The following PPP4R3B variants were observed in gnomAD, a reference collection of about 807,000 sequenced individuals.
PPP4R3B encodes the protein serine/threonine-protein phosphatase 4 regulatory subunit 3B.
Under a neutral mutation model 95.4 loss-of-function variants are expected in PPP4R3B, and 52 were observed. The observed-to-expected ratio is 0.54, with a 90% CI of 0.44 to 0.69. PPP4R3B has a LOEUF of 0.69. PPP4R3B is among the 30% of genes least tolerant of loss of function. The pLI is 0.00. For missense variants in PPP4R3B, 1,003 were observed against 1,005.9 expected, an observed-to-expected ratio of 1.00 and a Z score of 0.04; for synonymous variants, 407 against 343.9, an observed-to-expected ratio of 1.18 and a Z score of -2.03.
At chr2:55,559,653 C>T (rs1038461761) in intron 15 of PPP4R3B, among the ~76,000 whole-genome samples, 2 of 152,168 alleles carry the variant, frequency 1.3e-5, no homozygotes, top group African/African-American at 4.8e-5. Context: ...TAACACATGC[C>T]TTGTTTCCCA....
chr2:55,601,298 G>A (rs925098921), intron 3 of PPP4R3B, among the ~76,000 whole-genome samples: 1 of 152,120 alleles, frequency 6.6e-6, no homozygotes, highest in Non-Finnish European at 1.5e-5. Flanking sequence ...AGGTCAAATG[G>A]GAGCCTGTAA....
intron 3 of PPP4R3B, among the ~76,000 whole-genome samples, chr2:55,602,992 T>C (rs767995057): frequency 5.3e-5 from 8 of 151,850 alleles, no homozygotes; most frequent in Non-Finnish European, 1.2e-4. Flanking sequence ...TCTTACTCTG[T>C]CACCCAGACT....
intron 2 of PPP4R3B, among the ~76,000 whole-genome samples, chr2:55,611,686 T>A (rs1431873171): frequency 6.6e-6 from 1 of 152,178 alleles, no homozygotes; most frequent in Non-Finnish European, 1.5e-5. Context: ...ATTTTAAAAC[T>A]ATAATGTTAA....
chr2:55,560,137 T>C (rs1246403334), intron 15 of PPP4R3B, among the ~76,000 whole-genome samples: 3 of 151,790 alleles, frequency 2.0e-5, no homozygotes, highest in Non-Finnish European at 4.4e-5. Flanking sequence ...AAAAGATACC[T>C]GAAAATGTGG....
rs202165246 is a variant in PPP4R3B at position 55,558,962 on chromosome 2, T to C, written c.2267A>G (p.Glu756Gly). The C allele has an allele frequency of 1.2e-4, 200 of 1,604,730 alleles. 1 individual carries two copies. The Middle Eastern group carries it at 1.5e-3, about 12-fold the overall frequency. ...GGGAAGGTTTTCCTTGTCTTCACTTTCTTTTGCTAAAGCAAAAGTAAAATT... is the reference window on the plus strand; with the variant it reads ...GGGAAGGTTTTCCTTGTCTTCACTTCCTTTTGCTAAAGCAAAAGTAAAATT... The part of the protein sequence containing the change: ...EKFMETKKAK[E>G]SEDKENLPKR... Residue 756 changes from glutamate to glycine, a missense_variant, in exon 16 of 17, where the codon GAA becomes GGA. By Grantham distance (98) the Glu-to-Gly change is moderately conservative (BLOSUM62 -2). This residue lies in a region of PPP4R3B where 229 missense variants were observed against 194.7 expected (regional missense o/e 1.18). Transcript: ENST00000616407.
chr2:55,564,562 G>T (rs1317928614), intron 14 of PPP4R3B, 65 bp from the exon 15 acceptor site: 30 of 1,376,130 alleles, frequency 2.2e-5, no homozygotes, highest in Non-Finnish European at 2.7e-5. Flanking sequence ...TGAACTGAAG[G>T]AAAAATATGT....
chr2:55,587,739 C>A (rs1372770110), intron 5 of PPP4R3B, among the ~76,000 whole-genome samples: 2 of 152,176 alleles, frequency 1.3e-5, no homozygotes, highest in Admixed American at 6.5e-5. Flanking sequence ...TCAACTCTAG[C>A]TGGGTCCCCA....
In PPP4R3B at chr2:55,599,053, A is replaced by T; in HGVS notation, c.298-14T>A. On this transcript the variant is annotated splice_polypyrimidine_tract_variant and intron_variant, in intron 3 of 16. Transcript: ENST00000616407. The stretch of plus-strand genomic sequence containing the variant: ...TTTACCTTGAACCTAAAAATATCCA[A>T]GTATACAGCTAATTACCTTAAAATA... 1 of 1,578,622 alleles carries T rather than the reference A, an allele frequency of 6.3e-7. No homozygotes were observed. Among genetic ancestry groups the T allele is most frequent in the Non-Finnish European group, 8.6e-7 (1 of 1,166,918 alleles).
chr2:55,599,848 T>A (rs1427899711), intron 3 of PPP4R3B, among the ~76,000 whole-genome samples: 2 of 152,196 alleles, frequency 1.3e-5, no homozygotes, highest in South Asian at 2.1e-4. Context: ...AAAAAGCCCA[T>A]CAGTACTCAA....
intron 1 of PPP4R3B, chr2:55,616,490 T>C (rs1465300543): frequency 2.6e-5 from 4 of 152,218 alleles, no homozygotes; most frequent in African/African-American, 7.2e-5. Flanking sequence ...ATGACTACAA[T>C]AAACCAAAGA....
intron 10 of PPP4R3B, 28 bp downstream of exon 10, chr2:55,578,219 G>C: frequency 7.3e-7 from 1 of 1,369,702 alleles, no homozygotes; most frequent in Non-Finnish European, 9.4e-7. Context: ...AGTAAATATA[G>C]GAGTGATACA....
chr2:55,612,016 A>G (rs927485731), intron 2 of PPP4R3B, among the ~76,000 whole-genome samples: 4 of 152,190 alleles, frequency 2.6e-5, no homozygotes, highest in Non-Finnish European at 4.4e-5. Context: ...TGCAGGTGTG[A>G]GCCACCATGC....
chr2:55,578,004 A>C (rs933173932), intron 10 of PPP4R3B, among the ~76,000 whole-genome samples: 9 of 152,154 alleles, frequency 5.9e-5, no homozygotes, highest in African/African-American at 2.2e-4. Flanking sequence ...CATCCTCATA[A>C]GAGAGGATTA....
rs543203904 is a variant in PPP4R3B, at chr2:55,610,462, T to C, written c.198+4989A>G. On this transcript the variant is annotated intron_variant, in intron 2 of 16. Coordinates refer to ENST00000616407, the MANE Select transcript of PPP4R3B (RefSeq NM_001122964.3). ...TGCTACAAATAGGCTTAATACCTTT[T>C]GTAGCAAGTGTATTTCCTTTCCTAT... Among the ~76,000 whole-genome samples the C allele has an allele frequency of 1.7e-4, 26 of 152,364 alleles. No individual in the cohort carries two copies. In the East Asian group the frequency reaches 4.8e-3, roughly 28 times the overall value.
Position 55,564,370 on chromosome 2 carries a change from G to T in PPP4R3B, c.2203C>A (p.Pro735Thr), listed in dbSNP as rs1474310917. 3 of 1,613,574 alleles carry T rather than the reference G, an allele frequency of 1.9e-6. No homozygotes were observed. In the Admixed American group the frequency reaches 5.0e-5, roughly 27 times the overall value. ...TCTGGAAAATCATCTTCTGGCTTAG[G>T]TTTTTCCACTGGTGCCACAACTGCT... ...GKAVVAPVEK[P>T]KPEDDFPDNY... The change falls in exon 15 of 17, where the codon CCT (proline) becomes ACT (threonine). Residue 735 changes from proline to threonine, a missense_variant. Pro to Thr is a conservative substitution (Grantham distance 38, BLOSUM62 -1). Transcript: ENST00000616407.
At chr2:55,554,292 G>A (rs771818420) in intron 16 of PPP4R3B, among the ~76,000 whole-genome samples, 6 of 152,170 alleles carry the variant, frequency 3.9e-5, no homozygotes, top group Non-Finnish European at 8.8e-5. Flanking sequence ...GGGCTCAAGC[G>A]ATGCTCCTGC....
At position 55,598,856 on chromosome 2, in the gene PPP4R3B, T is replaced by C. The variant is rs1451270544; in HGVS notation, c.481A>G (p.Lys161Glu). The C allele has an allele frequency of 6.2e-7, 1 of 1,614,122 alleles. No homozygotes were observed. The highest frequency in any genetic ancestry group is 8.5e-7 in the Non-Finnish European group (1 of 1,180,046). Reference protein sequence around the residue: ...SVLSSPIRREKLALALENEGY... With the variant: ...SVLSSPIRREELALALENEGY... ...TCATTTTCCAAGGCGAGAGCCAGCT[T>C]TTCCCTACGGATAGGTGAGGAGAGC... Residue 161 changes from lysine to glutamate, a missense_variant, in exon 4 of 17, where the codon AAG becomes GAG. Lys to Glu is a moderately conservative substitution (Grantham distance 56). This residue lies in a region of PPP4R3B where 695 missense variants were observed against 686.2 expected (regional missense o/e 1.01). Transcript: ENST00000616407.
At chr2:55,594,284 T>A (rs1691456563) in intron 4 of PPP4R3B, among the ~76,000 whole-genome samples, 1 of 143,846 alleles carries the variant, frequency 7.0e-6, no homozygotes, top group Non-Finnish European at 1.5e-5. Context: ...TAAGCCTATG[T>A]GCCCTCTGAA....
chr2:55,603,175 A>G (rs1692877441), intron 3 of PPP4R3B, among the ~76,000 whole-genome samples: 1 of 152,026 alleles, frequency 6.6e-6, no homozygotes, highest in Non-Finnish European at 1.5e-5. Flanking sequence ...GTGGTCTCGA[A>G]CTCCTGATGT....
Sources: gnomAD v4.1 joint callset for allele counts (sites outside exome capture counted in the v4.1 genomes callset) on GRCh38, gnomAD v4.1.1 for gene constraint, gnomAD v4.1.1 regional missense constraint, MANE v1.5 for transcripts, NCBI Gene and HGNC (gene_info 2026-07-23, HGNC 2026-07-21) for gene names.